RBM25: variants seen among roughly 807,000 people sequenced by gnomAD.
RBM25 encodes RNA binding motif protein 25, also known as RNA-binding protein 25.
In RBM25, 19 loss-of-function variants were observed where a neutral mutation model predicts 120.7. The observed-to-expected ratio is 0.16, with a 90% CI of 0.11 to 0.23. The LOEUF is 0.23. Among genes scored for constraint, RBM25 ranks in the 10% least tolerant of loss-of-function variants. The probability of loss-of-function intolerance (pLI) is 1.00; values close to 1 mark genes in which losing one functional copy is unlikely to be tolerated. For missense variants in RBM25, 605 were observed against 1,041.5 expected, an observed-to-expected ratio of 0.58 and a Z score of 5.77; for synonymous variants, 390 against 326.7, an observed-to-expected ratio of 1.19 and a Z score of -2.09.
rs1895294675 is a variant in RBM25, at chr14:73,071,608, C to T, written c.-15-19C>T. On this transcript the variant is annotated intron_variant, in intron 1 of 18. Coordinates refer to ENST00000261973, the MANE Select transcript of RBM25 (RefSeq NM_021239.3). ...GACGTTTTCAAATAAAATGATTTGT[C>T]ATGTCCTTTTTTCTTTAGACTGCTG... is the stretch of plus-strand genomic sequence containing the variant. 17 of 1,492,972 alleles carry T rather than the reference C, an allele frequency of 1.1e-5. No homozygotes were observed. The highest frequency in any genetic ancestry group is 1.6e-5 in the Non-Finnish European group (17 of 1,071,946). 92.5% of individuals were successfully genotyped at this position (1,492,972 alleles called of 1,614,324 possible). A position where few individuals can be genotyped will look rare whatever the true frequency, so the allele number is the denominator to read the frequency against.
chr14:73,113,441 C>T (rs897426805), intron 17 of RBM25, among the ~76,000 whole-genome samples: 1 of 151,642 alleles, frequency 6.6e-6, no homozygotes, highest in South Asian at 2.1e-4. Flanking sequence ...CTTGTAATTC[C>T]CGCACTTTGG....
chr14:73,111,685 C>G lies in RBM25; in HGVS notation c.2175C>G (p.Thr725=). The G allele has an allele frequency of 6.2e-7, 1 of 1,614,028 alleles. No individual in the cohort carries two copies. Among genetic ancestry groups the G allele is most frequent in the Non-Finnish European group, 8.5e-7 (1 of 1,180,010 alleles). ...ATGGTGAAGATGATAAAAATGCAAC[C>G]AAAGGCACTGTAAACACTGAAGAAA... is the stretch of plus-strand genomic sequence containing the variant. ...LDYGEDDKNA[T]KGTVNTEEKR... The change falls in exon 16 of 19, where the codon ACC becomes ACG. Residue 725 remains threonine (T), a synonymous_variant. Coordinates refer to ENST00000261973, the MANE Select transcript of RBM25 (RefSeq NM_021239.3).
At chr14:73,088,257 GATC>G (rs1895735257) in intron 6 of RBM25, 96 bp downstream of exon 6, 1 of 1,460,078 alleles carries the variant, frequency 6.8e-7, no homozygotes, top group East Asian at 2.3e-5. Flanking sequence ...GGCTTCAAAA[GATC>G]ATCATGTATG....
intron 3 of RBM25, among the ~76,000 whole-genome samples, chr14:73,076,971 C>T (rs1432945673): frequency 6.6e-6 from 1 of 152,202 alleles, no homozygotes; most frequent in Non-Finnish European, 1.5e-5. Context: ...ATCTCAGCTA[C>T]TCGGGAGGCC....
chr14:73,071,578 A>G, intron 1 of RBM25, 49 bp from the exon 2 acceptor site: 1 of 1,314,164 alleles, frequency 7.6e-7, no homozygotes, highest in Non-Finnish European at 1.1e-6. Flanking sequence ...GGCATATAAA[A>G]TTGTGACGTT....
intron 7 of RBM25, 48 bp downstream of exon 7, chr14:73,097,148 G>GATA (rs1338044776): frequency 8.3e-7 from 1 of 1,209,486 alleles, no homozygotes; most frequent in African/African-American, 1.7e-5. Context: ...TGTTTTTTAT[G>GATA]ATATCACTCT....
chr14:73,078,268 A>G (rs1023830303), intron 4 of RBM25, among the ~76,000 whole-genome samples: 1 of 152,024 alleles, frequency 6.6e-6, no homozygotes, highest in Admixed American at 6.6e-5. Context: ...GCGCTACTGC[A>G]CTCCACCCTG....
At position 73,103,137 on chromosome 14, in the gene RBM25, A is replaced by G. The variant is rs573042017; in HGVS notation, c.868-55A>G. The G allele has an allele frequency of 7.7e-6, 12 of 1,561,692 alleles. No individual in the cohort carries two copies. In the African/African-American group the frequency reaches 1.4e-4, roughly 18 times the overall value. ...AGTACTGGGCTTTGCGCCGGGAAAA[A>G]TCTGAATACTGGAGCTACAGAGTTA... On this transcript the variant is annotated intron_variant, in intron 9 of 18. Transcript: ENST00000261973.
At position 73,119,852 on chromosome 14, in the gene RBM25, C is replaced by G. The variant is rs771277464; in HGVS notation, c.*47C>G. The G allele has an allele frequency of 6.4e-6, 10 of 1,556,116 alleles. No individual in the cohort carries two copies. In the South Asian group the frequency reaches 1.2e-4, roughly 19 times the overall value. On this transcript the variant is annotated 3_prime_UTR_variant, in exon 19 of 19. Coordinates refer to ENST00000261973, the MANE Select transcript of RBM25 (RefSeq NM_021239.3). The stretch of plus-strand genomic sequence containing the variant: ...CATTTCAGATTTCTTCTTTGCCACC[C>G]TTTTAAGGACTTTGAATTTTTCTTT...
At chr14:73,078,186 T>C (rs144777232) in intron 4 of RBM25, among the ~76,000 whole-genome samples, 3,574 of 151,950 alleles carry the variant, frequency 0.024, 137 homozygotes, top group African/African-American at 0.077. Context: ...GCCTGTAATC[T>C]CAGCTACTCG....
At chr14:73,087,110 A>G (rs1895705134) in intron 5 of RBM25, among the ~76,000 whole-genome samples, 1 of 151,520 alleles carries the variant, frequency 6.6e-6, no homozygotes, top group Non-Finnish European at 1.5e-5. Context: ...GTTTCCTGTC[A>G]TTATATACAT....
At chr14:73,108,441 C>T (rs1452101523) in intron 13 of RBM25, among the ~76,000 whole-genome samples, 2 of 152,184 alleles carry the variant, frequency 1.3e-5, no homozygotes, top group Non-Finnish European at 2.9e-5. Context: ...TTTGACCTCC[C>T]GTCTCTCACC....
At chr14:73,086,054 T>A (rs548588279) in intron 5 of RBM25, among the ~76,000 whole-genome samples, 1 of 152,040 alleles carries the variant, frequency 6.6e-6, no homozygotes, top group South Asian at 2.1e-4. Flanking sequence ...TCTAAGGTCA[T>A]CTAGTATAAT....
At chr14:73,100,558 C>T (rs1335593927) in intron 9 of RBM25, 7 of 398,570 alleles carry the variant, frequency 1.8e-5, no homozygotes, top group Admixed American at 1.7e-4. Context: ...TTGAACGGTG[C>T]AATGCAAACA....
intron 9 of RBM25, chr14:73,100,627 G>C (rs984906547): frequency 3.7e-6 from 1 of 267,030 alleles, no homozygotes; most frequent in African/African-American, 2.2e-5. Context: ...CTTACTGATA[G>C]ACTGAGAGAT....
chr14:73,080,155 A>G (rs80183839), intron 4 of RBM25, among the ~76,000 whole-genome samples: 2,946 of 142,344 alleles, frequency 0.021, 101 homozygotes, highest in African/African-American at 0.054. Flanking sequence ...ATAATTCCAC[A>G]CCAATTTATT....
At chr14:73,091,535 A>G (rs1042774559) in intron 6 of RBM25, among the ~76,000 whole-genome samples, 2 of 152,140 alleles carry the variant, frequency 1.3e-5, no homozygotes, top group Non-Finnish European at 2.9e-5. Flanking sequence ...TATAATCAAC[A>G]TTAGCCAGAG....
intron 14 of RBM25, among the ~76,000 whole-genome samples, chr14:73,110,026 A>G (rs912347159): frequency 6.6e-6 from 1 of 151,260 alleles, no homozygotes; most frequent in Non-Finnish European, 1.5e-5. Context: ...CTGGGGTTAC[A>G]GGCACGTGCC....
intron 17 of RBM25, among the ~76,000 whole-genome samples, chr14:73,112,868 A>G (rs901173107): frequency 9.9e-5 from 15 of 152,010 alleles, no homozygotes; most frequent in Non-Finnish European, 2.1e-4. Context: ...CAGTGGCGCA[A>G]TCATGGCTCA....
Sources: gnomAD v4.1 joint callset for allele counts (sites outside exome capture counted in the v4.1 genomes callset) on GRCh38, gnomAD v4.1.1 for gene constraint, MANE v1.5 for transcripts, NCBI Gene and HGNC (gene_info 2026-07-23, HGNC 2026-07-21) for gene names.